LRIG1: variants seen among roughly 807,000 people sequenced by gnomAD.
The protein encoded by LRIG1 is leucine-rich repeats and immunoglobulin-like domains protein 1.
LRIG1 carries 48 observed loss-of-function variants against 99.2 expected under a neutral mutation model. The observed-to-expected ratio is 0.48, with a 90% CI of 0.38 to 0.62. The LOEUF (loss-of-function observed/expected upper bound fraction) is 0.62, where lower values mean the gene tolerates loss of function less well. LRIG1 is among the 20% of genes least tolerant of loss of function. LRIG1 has a pLI of 0.00. For synonymous variants in LRIG1, 772 were observed against 596.1 expected (o/e 1.29, Z -4.30); for missense variants, 1,646 against 1,434.4 (o/e 1.15, Z -2.38).
chr3:66,441,348 C>CGA (rs1703531795), intron 3 of LRIG1, among the ~76,000 whole-genome samples: 1 of 152,106 alleles, frequency 6.6e-6, no homozygotes, highest in South Asian at 2.1e-4. Flanking sequence ...AGCCACTATC[C>CGA]GAGAATCTAC....
chr3:66,468,347 C>T (rs923745515), intron 1 of LRIG1, among the ~76,000 whole-genome samples: 7 of 152,158 alleles, frequency 4.6e-5, no homozygotes, highest in South Asian at 2.1e-4. Context: ...TGAAGAGGAG[C>T]GCAACCCATG....
intron 3 of LRIG1, among the ~76,000 whole-genome samples, chr3:66,443,107 C>A (rs1278759168): frequency 6.6e-6 from 1 of 152,124 alleles, no homozygotes; most frequent in Non-Finnish European, 1.5e-5. Context: ...GCAGTCTGCA[C>A]TACGGAATCC....
chr3:66,408,626 T>C (rs1302393092), intron 7 of LRIG1, among the ~76,000 whole-genome samples: 7 of 152,110 alleles, frequency 4.6e-5, no homozygotes, highest in Admixed American at 6.5e-5. Context: ...ACTTTAAGAA[T>C]TGGACTGGCT....
intron 1 of LRIG1, among the ~76,000 whole-genome samples, chr3:66,470,678 A>G (rs957042942): frequency 6.6e-6 from 1 of 152,192 alleles, no homozygotes; most frequent in African/African-American, 2.4e-5. Context: ...GATTTCCATA[A>G]GAACAGAGTA....
chr3:66,472,059 C>T (rs977716905), intron 1 of LRIG1, among the ~76,000 whole-genome samples: 11 of 152,034 alleles, frequency 7.2e-5, no homozygotes, highest in African/African-American at 1.4e-4. Flanking sequence ...AATCCCAGCA[C>T]TTTGGGAGGC....
intron 3 of LRIG1, among the ~76,000 whole-genome samples, chr3:66,430,589 C>T (rs1445345251): frequency 2.0e-5 from 3 of 152,212 alleles, no homozygotes; most frequent in African/African-American, 4.8e-5. Context: ...ACATATGGAT[C>T]ACATTCCCAG....
At chr3:66,425,710 A>T (rs930568985) in intron 3 of LRIG1, among the ~76,000 whole-genome samples, 2 of 152,198 alleles carry the variant, frequency 1.3e-5, no homozygotes, top group African/African-American at 4.8e-5. Context: ...GACCGGGGGA[A>T]GTGTGTGGTG....
At position 66,380,281 on chromosome 3, in the gene LRIG1, C is replaced by T. The variant is rs1368662689; in HGVS notation, c.3264G>A (p.Leu1088=). 1 of 1,612,480 alleles carries T rather than the reference C, an allele frequency of 6.2e-7. No homozygotes were observed. The highest frequency in any genetic ancestry group is 8.5e-7 in the Non-Finnish European group (1 of 1,178,818). Residue 1088 remains leucine (L), a synonymous_variant, in exon 19 of 19, where the codon CTG becomes CTA. Transcript: ENST00000273261. ...QLPGKQRVPL[L]LAPKS ...ACAAAACCTAGCTTTTTGGTGCCAACAGCAGTGGCACCCTCTGTTTCCCGG... is the reference window on the plus strand; with the variant it reads ...ACAAAACCTAGCTTTTTGGTGCCAATAGCAGTGGCACCCTCTGTTTCCCGG...
rs1701334965 is a variant in LRIG1, at chr3:66,500,514, A to C, written c.-107T>G. The C allele has an allele frequency of 1.9e-6, 1 of 536,044 alleles. No homozygotes were observed. The highest frequency in any genetic ancestry group is 5.7e-5 in the South Asian group (1 of 17,510). The allele number at this position is 536,044 out of a possible 1,614,324, so 33.2% of individuals were successfully genotyped here. On this transcript the variant is annotated 5_prime_UTR_variant, in exon 1 of 19. Transcript: ENST00000273261. ...CGCTCCGCTCGGCTCTAGACTCCGCACCGGGGCATGGCCCCCGCCCCAAGT... is the reference window on the plus strand; with the variant it reads ...CGCTCCGCTCGGCTCTAGACTCCGCCCCGGGGCATGGCCCCCGCCCCAAGT...
chr3:66,426,114 G>A (rs1015807054), intron 3 of LRIG1, among the ~76,000 whole-genome samples: 4 of 152,114 alleles, frequency 2.6e-5, no homozygotes, highest in African/African-American at 7.2e-5. Context: ...GGACAAGGTG[G>A]GTCAAGTGGG....
chr3:66,432,513 C>CT (rs941067242), intron 3 of LRIG1, among the ~76,000 whole-genome samples: 3 of 152,182 alleles, frequency 2.0e-5, no homozygotes, highest in African/African-American at 7.2e-5. Flanking sequence ...TGGCTTCGCT[C>CT]TTAACATCTT....
intron 12 of LRIG1, chr3:66,386,544 A>C (rs1575647807): frequency 2.1e-6 from 1 of 472,710 alleles, no homozygotes; most frequent in Non-Finnish European, 3.8e-6. Context: ...TTAGAAATTA[A>C]CCCACCACTT....
intron 3 of LRIG1, among the ~76,000 whole-genome samples, chr3:66,431,767 T>C (rs1703181008): frequency 6.6e-6 from 1 of 152,128 alleles, no homozygotes; most frequent in African/African-American, 2.4e-5. Context: ...AGAATGAACC[T>C]CCTTCTCACA....
intron 4 of LRIG1, 33 bp from the exon 5 acceptor site, chr3:66,415,096 T>C: frequency 6.4e-7 from 1 of 1,572,566 alleles, no homozygotes; most frequent in Non-Finnish European, 8.6e-7. Context: ...ATGTGGTGGT[T>C]GGTCAAAGGC....
intron 1 of LRIG1, among the ~76,000 whole-genome samples, chr3:66,472,303 CAAAAAAAAAAAAAAAAAA>C (rs71105995): frequency 3.1e-5 from 2 of 63,842 alleles, no homozygotes; most frequent in African/African-American, 7.0e-5. Flanking sequence ...GACTCTGTCT[CAAAAAAAAAAAAAAAAAA>C]AAAAAAAAAA....
chr3:66,415,005 G>C lies in LRIG1; in HGVS notation c.562C>G (p.Arg188Gly). 1 of 1,612,708 alleles carries C rather than the reference G, an allele frequency of 6.2e-7. No individual in the cohort carries two copies. The highest frequency in any genetic ancestry group is 8.5e-7 in the Non-Finnish European group (1 of 1,179,316). ...CTCAGGCGAAGAGTTAGCAGCGACCGTGACAGACCATCAAATGCTCCCAAC... is the reference window on the plus strand; with the variant it reads ...CTCAGGCGAAGAGTTAGCAGCGACCCTGACAGACCATCAAATGCTCCCAAC... ...LELGAFDGLS[R>G]SLLTLRLSKN... The change falls in exon 5 of 19, where the codon CGG becomes GGG. Residue 188 changes from arginine (R) to glycine (G), a missense_variant. Coordinates refer to ENST00000273261, the MANE Select transcript of LRIG1 (RefSeq NM_015541.3).
At chr3:66,430,953 C>T (rs1178653869) in intron 3 of LRIG1, among the ~76,000 whole-genome samples, 5 of 152,012 alleles carry the variant, frequency 3.3e-5, no homozygotes, top group Non-Finnish European at 7.4e-5. Context: ...TCCCTGGTGA[C>T]CTGCTACCCC....
At chr3:66,463,164 A>C (rs1394246794) in intron 1 of LRIG1, among the ~76,000 whole-genome samples, 1 of 152,184 alleles carries the variant, frequency 6.6e-6, no homozygotes, top group Non-Finnish European at 1.5e-5. Flanking sequence ...TAGGATTCAG[A>C]GGTTGAAAAA....
In LRIG1 at chr3:66,415,134, C is replaced by A. The variant is rs1363043397; in HGVS notation, c.504-71G>T. ...TCCTCATTTCATTATAGACACCAGACCTCTCTGGGTCTGAGTTGGGAAGAT... is the reference window on the plus strand; with the variant it reads ...TCCTCATTTCATTATAGACACCAGAACTCTCTGGGTCTGAGTTGGGAAGAT... On this transcript the variant is annotated intron_variant, in intron 4 of 18. Transcript: ENST00000273261. 6.1e-6 allele frequency: 9 copies of A among 1,468,398 alleles called. No individual in the cohort carries two copies. The East Asian group carries it at 2.1e-4, about 34-fold the overall frequency. 91.0% of individuals were successfully genotyped at this position (1,468,398 alleles called of 1,614,324 possible).
Sources: gnomAD v4.1 joint callset for allele counts (sites outside exome capture counted in the v4.1 genomes callset) on GRCh38, gnomAD v4.1.1 for gene constraint, MANE v1.5 for transcripts, NCBI Gene and HGNC (gene_info 2026-07-23, HGNC 2026-07-21) for gene names.